Variants in PTPRD observed in about 807,000 individuals in gnomAD.
PTPRD encodes the protein protein tyrosine phosphatase receptor type D.
A neutral mutation model predicts 214.5 loss-of-function variants in PTPRD; 34 were observed. That is an observed-to-expected ratio of 0.16 (90% CI 0.12 to 0.21). The LOEUF is 0.21. Ranked by LOEUF, PTPRD falls within the 10% of genes least tolerant of loss-of-function variation. PTPRD has a pLI of 1.00. For synonymous variants in PTPRD, 1,128 were observed against 845.7 expected, an observed-to-expected ratio of 1.33 and a Z score of -5.79; for missense variants, 2,545 against 2,398.7, an observed-to-expected ratio of 1.06 and a Z score of -1.27.
At chr9:9,239,868 G>A (rs1046210611) in intron 9 of PTPRD, among the ~76,000 whole-genome samples, 4 of 152,112 alleles carry the variant, frequency 2.6e-5, no homozygotes, top group African/African-American at 4.8e-5. Context: ...AGATCCAGAT[G>A]TGCTCTGCCA....
chr9:10,485,186 T>C (rs140280748), intron 2 of PTPRD, among the ~76,000 whole-genome samples: 2 of 152,208 alleles, frequency 1.3e-5, no homozygotes, highest in Non-Finnish European at 2.9e-5. Context: ...TATGTAAACT[T>C]CTTTCTGCAT....
Position 9,026,566 on chromosome 9 carries a change from C to T in PTPRD, c.-142-7831G>A, listed in dbSNP as rs148265261. 5.9e-5 allele frequency among the ~76,000 whole-genome samples: 9 copies of T among 151,968 alleles called. No homozygotes were observed. The East Asian group carries it at 1.6e-3, about 26-fold the overall frequency. On this transcript the variant is annotated intron_variant, in intron 10 of 45. Transcript: ENST00000381196. The stretch of plus-strand genomic sequence containing the variant: ...TCCAGGGTTTGTTCAGTTTTATTTT[C>T]TGTATGTTTTGTTGCTGCCTATAAT...
chr9:9,018,433 T>C (rs548946950), intron 11 of PTPRD, among the ~76,000 whole-genome samples: 31 of 152,178 alleles, frequency 2.0e-4, no homozygotes, highest in Non-Finnish European at 3.8e-4. Context: ...ACCCATTATT[T>C]AGGACTTGAA....
intron 11 of PTPRD, chr9:8,860,475 G>A (rs964291866): frequency 2.6e-5 from 4 of 152,196 alleles, no homozygotes; most frequent in Non-Finnish European, 4.4e-5. Flanking sequence ...ATGGGTCAAG[G>A]TGACTGGAGA....
intron 8 of PTPRD, among the ~76,000 whole-genome samples, chr9:9,516,905 G>T (rs931333071): frequency 6.6e-6 from 1 of 151,926 alleles, no homozygotes; most frequent in Admixed American, 6.6e-5. Flanking sequence ...CATATTTATG[G>T]ACTCAAACAA....
At chr9:8,998,652 A>C (rs2099406233) in intron 11 of PTPRD, among the ~76,000 whole-genome samples, 1 of 152,086 alleles carries the variant, frequency 6.6e-6, no homozygotes. Flanking sequence ...TCAACACTTA[A>C]GTCTTATTAT....
chr9:8,680,416 G>A (rs1472259564), intron 12 of PTPRD, among the ~76,000 whole-genome samples: 2 of 152,160 alleles, frequency 1.3e-5, no homozygotes, highest in Admixed American at 1.3e-4. Context: ...AGCTACTGGT[G>A]TGTCTTCTCT....
At chr9:10,599,598 C>A (rs1206932688) in intron 2 of PTPRD, among the ~76,000 whole-genome samples, 1 of 151,750 alleles carries the variant, frequency 6.6e-6, no homozygotes, top group African/African-American at 2.4e-5. Flanking sequence ...CAAAGAACCA[C>A]TGTTTGCCAG....
chr9:10,373,272 G>T (rs1598382775), intron 2 of PTPRD, among the ~76,000 whole-genome samples: 3 of 151,962 alleles, frequency 2.0e-5, no homozygotes, highest in Non-Finnish European at 2.9e-5. Flanking sequence ...CAACTTTATA[G>T]AGTCAAATAA....
At chr9:9,038,410 A>C (rs1322324774) in intron 10 of PTPRD, among the ~76,000 whole-genome samples, 2 of 152,142 alleles carry the variant, frequency 1.3e-5, no homozygotes, top group African/African-American at 4.8e-5. Flanking sequence ...ACACCCCCAC[A>C]TAGAAATAAC....
At chr9:10,104,530 A>T (rs1393392579) in intron 3 of PTPRD, among the ~76,000 whole-genome samples, 3 of 151,776 alleles carry the variant, frequency 2.0e-5, no homozygotes, top group Non-Finnish European at 4.4e-5. Context: ...CATAGCCAAA[A>T]TTATGAAAAT....
At chr9:9,839,954 T>C (rs2057872254) in intron 5 of PTPRD, among the ~76,000 whole-genome samples, 1 of 152,148 alleles carries the variant, frequency 6.6e-6, no homozygotes, top group South Asian at 2.1e-4. Flanking sequence ...TATATATAAA[T>C]AGTACTAAAA....
At chr9:9,881,227 TA>T (rs1329371919) in intron 5 of PTPRD, among the ~76,000 whole-genome samples, 1 of 152,086 alleles carries the variant, frequency 6.6e-6, no homozygotes, top group African/African-American at 2.4e-5. Context: ...AAAATAAGAG[TA>T]AACAGCTACT....
At chr9:9,730,804 C>T (rs879876704) in intron 7 of PTPRD, among the ~76,000 whole-genome samples, 8 of 152,012 alleles carry the variant, frequency 5.3e-5, no homozygotes, top group Non-Finnish European at 8.8e-5. Context: ...TATTAAAATG[C>T]CCTTTACAAA....
chr9:9,260,364 A>G (rs1381305002), intron 9 of PTPRD, among the ~76,000 whole-genome samples: 1 of 151,858 alleles, frequency 6.6e-6, no homozygotes, highest in African/African-American at 2.4e-5. Flanking sequence ...CAAGTAGAAA[A>G]CCGAAATCAC....
chr9:9,310,256 G>A (rs985538786), intron 9 of PTPRD, among the ~76,000 whole-genome samples: 2 of 152,128 alleles, frequency 1.3e-5, no homozygotes, highest in South Asian at 4.1e-4. Flanking sequence ...AAGCATATTA[G>A]CATGTGCCAT....
intron 14 of PTPRD, among the ~76,000 whole-genome samples, chr9:8,576,463 G>A (rs993285566): frequency 6.6e-6 from 1 of 151,870 alleles, no homozygotes. Context: ...GTTTCCTAAA[G>A]CTTCACATTT....
At chr9:9,520,485 C>T (rs1036546794) in intron 8 of PTPRD, among the ~76,000 whole-genome samples, 15 of 151,862 alleles carry the variant, frequency 9.9e-5, no homozygotes, top group African/African-American at 3.1e-4. Context: ...TTACACATTC[C>T]CATGCATTTG....
chr9:10,586,782 C>T (rs1021892288), intron 2 of PTPRD, among the ~76,000 whole-genome samples: 2 of 54,016 alleles, frequency 3.7e-5, no homozygotes, highest in African/African-American at 1.0e-4. Context: ...CACTTATAGA[C>T]AACTTTTTTT....
Sources: gnomAD v4.1 joint callset for allele counts (sites outside exome capture counted in the v4.1 genomes callset) on GRCh38, gnomAD v4.1.1 for gene constraint, MANE v1.5 for transcripts, NCBI Gene and HGNC (gene_info 2026-07-23, HGNC 2026-07-21) for gene names.